The following DCX variants were observed in gnomAD, a reference collection of about 807,000 sequenced individuals.
DCX encodes doublecortin, also known as neuronal migration protein doublecortin.
DCX carries 4 observed loss-of-function variants against 20.9 expected under a neutral mutation model. The observed-to-expected ratio is 0.19, with a 90% CI of 0.09 to 0.44. The LOEUF (loss-of-function observed/expected upper bound fraction) is 0.44, where lower values mean the gene tolerates loss of function less well. DCX is among the 20% of genes least tolerant of loss of function. The pLI is 0.99. For synonymous variants in DCX, 103 were observed against 111.4 expected, an observed-to-expected ratio of 0.92 and a Z score of 0.47; for missense variants, 133 against 296.9, an observed-to-expected ratio of 0.45 and a Z score of 4.06.
At position 111,320,486 on chromosome X, in the gene DCX, G is replaced by A. The variant is rs564957265; in HGVS notation, c.947-7750C>T. 2.0e-4 allele frequency among the ~76,000 whole-genome samples: 22 copies of A among 111,519 alleles called. No homozygotes were observed. The South Asian group carries it at 8.3e-3, about 42-fold the overall frequency. ...CCTTCATTTTCCTTTATTCTTCTTT[G>A]CTAACCATCCTTAGCTCTTGTCTCT... On this transcript the variant is annotated intron_variant, in intron 5 of 6. Coordinates refer to ENST00000636035, the MANE Select transcript of DCX (RefSeq NM_001195553.2).
chrX:111,318,390 C>T (rs765721382), intron 5 of DCX, among the ~76,000 whole-genome samples: 2 of 93,027 alleles, frequency 2.1e-5, no homozygotes, highest in African/African-American at 1.0e-4. Context: ...ATAATAATAA[C>T]AATAATAATA....
At chrX:111,318,208 A>T (rs947814337) in intron 5 of DCX, among the ~76,000 whole-genome samples, 51 of 105,985 alleles carry the variant, frequency 4.8e-4, no homozygotes, top group Middle Eastern at 4.9e-3. Flanking sequence ...AAAAAAAGTA[A>T]AAAAATAATA....
At chrX:111,320,365 T>C (rs770266175) in intron 5 of DCX, among the ~76,000 whole-genome samples, 1 of 112,101 alleles carries the variant, frequency 8.9e-6, no homozygotes, top group African/African-American at 3.2e-5. Context: ...ATAATACAAA[T>C]AGGGTCTGAT....
At chrX:111,366,021 T>C (rs753586600) in intron 3 of DCX, among the ~76,000 whole-genome samples, 4 of 112,196 alleles carry the variant, frequency 3.6e-5, no homozygotes, top group African/African-American at 1.3e-4. Context: ...TGGACATTGT[T>C]AAATGTCCCC....
intron 5 of DCX, among the ~76,000 whole-genome samples, chrX:111,321,690 A>T (rs1192066394): frequency 1.8e-5 from 2 of 110,999 alleles, no homozygotes; most frequent in Non-Finnish European, 3.8e-5. Context: ...TGGATGCTAA[A>T]CTCCCAAACT....
At chrX:111,320,274 G>GA (rs1241248237) in intron 5 of DCX, among the ~76,000 whole-genome samples, 1 of 111,778 alleles carries the variant, frequency 8.9e-6, no homozygotes, top group African/African-American at 3.3e-5. Flanking sequence ...ATTCTGTGGG[G>GA]AAAAAAATCT....
chrX:111,375,434 T>C (rs1033150425), intron 3 of DCX, among the ~76,000 whole-genome samples: 34 of 111,192 alleles, frequency 3.1e-4, no homozygotes, highest in Admixed American at 2.6e-3. Context: ...AATAAAAAGT[T>C]CTTAAAAATA....
At chrX:111,408,598 TGAAAGAAA>T (rs1223289890) in intron 2 of DCX, among the ~76,000 whole-genome samples, 1 of 89,197 alleles carries the variant, frequency 1.1e-5, no homozygotes, top group Admixed American at 1.5e-4. Flanking sequence ...CGAAACTCTG[TGAAAGAAA>T]GAAAGGAAGA....
intron 5 of DCX, among the ~76,000 whole-genome samples, chrX:111,314,652 C>T (rs1465831380): frequency 9.0e-6 from 1 of 111,564 alleles, no homozygotes; most frequent in Non-Finnish European, 1.9e-5. Context: ...TGTGGTCAAA[C>T]TAAAACCCAC....
chrX:111,319,216 C>T (rs1293551716), intron 5 of DCX, among the ~76,000 whole-genome samples: 1 of 111,722 alleles, frequency 9.0e-6, no homozygotes, highest in Non-Finnish European at 1.9e-5. Flanking sequence ...CATTTTAAAG[C>T]TCCAGCTGCT....
intron 3 of DCX, among the ~76,000 whole-genome samples, chrX:111,338,696 CTT>C (rs200133621): frequency 4.2e-5 from 4 of 94,150 alleles, no homozygotes; most frequent in Non-Finnish European, 6.4e-5. Context: ...TCTGTAGTGC[CTT>C]TTTTTTTTTT....
chrX:111,308,921 TA>T (rs1234686228), intron 6 of DCX, among the ~76,000 whole-genome samples: 1 of 109,794 alleles, frequency 9.1e-6, no homozygotes, highest in East Asian at 2.8e-4. Flanking sequence ...GGATCCTTAA[TA>T]AATTTTTGTT....
chrX:111,405,727 T>A (rs952574174), intron 2 of DCX, among the ~76,000 whole-genome samples: 29 of 111,043 alleles, frequency 2.6e-4, no homozygotes, highest in African/African-American at 9.5e-4. Context: ...AACAAAGACA[T>A]GACAAAAGGA....
At chrX:111,411,194 GC>G (rs778973871) in intron 1 of DCX, 6 of 399,623 alleles carry the variant, frequency 1.5e-5, no homozygotes, top group Non-Finnish European at 2.6e-5. Flanking sequence ...CAAGTTACTA[GC>G]TCTGTCTTCC....
Position 111,296,607 on chromosome X carries a change from A to C in DCX, c.*5080T>G, listed in dbSNP as rs2095021410. 9.1e-6 allele frequency: 1 copy of C among 109,405 alleles called. No individual in the cohort carries two copies. The highest frequency in any genetic ancestry group is 1.9e-5 in the Non-Finnish European group (1 of 52,670). 9.0% of individuals were successfully genotyped at this position (109,405 alleles called of 1,213,427 possible). ...ATCTCTACTAAAAATAATAATAATAAAAAAATAGCCAGATTTGGTGGCGCA... is the reference window on the plus strand; with the variant it reads ...ATCTCTACTAAAAATAATAATAATACAAAAATAGCCAGATTTGGTGGCGCA... On this transcript the variant is annotated 3_prime_UTR_variant, in exon 7 of 7. Transcript: ENST00000636035.
chrX:111,410,561 G>A (rs1333810173), intron 1 of DCX, 141 bp from the exon 2 acceptor site: 2 of 923,235 alleles, frequency 2.2e-6, no homozygotes, highest in Non-Finnish European at 3.0e-6. Flanking sequence ...GTTGAAAAAA[G>A]CCTGTGACCC....
chrX:111,370,937 C>T (rs1925031923), intron 3 of DCX, among the ~76,000 whole-genome samples: 1 of 111,984 alleles, frequency 8.9e-6, no homozygotes. Flanking sequence ...GTCTGTATCA[C>T]TTAGATTCTA....
chrX:111,296,721 T>C lies in DCX; in HGVS notation c.*4966A>G, dbSNP rs2095021856. ...GGGTGAAGGTTGCAGCGAGCCAAGA[T>C]TGTGCCACTGCACTCCAGCCTAGGT... On this transcript the variant is annotated 3_prime_UTR_variant, in exon 7 of 7. Coordinates refer to ENST00000636035, the MANE Select transcript of DCX (RefSeq NM_001195553.2). 9.4e-6 allele frequency: 1 copy of C among 106,862 alleles called. No individual in the cohort carries two copies. Among genetic ancestry groups the C allele is most frequent in the Non-Finnish European group, 1.9e-5 (1 of 51,795 alleles). The allele number at this position is 106,862 out of a possible 1,213,427, so 8.8% of individuals were successfully genotyped here. A position where few individuals can be genotyped will look rare whatever the true frequency, so the allele number is the denominator to read the frequency against.
rs200777698 is a variant in DCX at position 111,368,901 on chromosome X, T to TACAC, written c.705+32085_705+32088dup. On this transcript the variant is annotated intron_variant, in intron 3 of 6. Coordinates refer to ENST00000636035, the MANE Select transcript of DCX (RefSeq NM_001195553.2). ...CTAATACGGGATATATATATATACA[T>TACAC]ACACACACACACACACACACACACA... 6.9e-3 allele frequency among the ~76,000 whole-genome samples: 675 copies of TACAC among 98,260 alleles called. 3 individuals carry two copies. The highest frequency in any genetic ancestry group is 9.6e-3 in the Admixed American group (86 of 8,930). 85.3% of individuals were successfully genotyped at this position (98,260 alleles called of 115,157 possible). A position where few individuals can be genotyped will look rare whatever the true frequency, so the allele number is the denominator to read the frequency against.
Sources: allele counts gnomAD v4.1 joint callset (sites outside exome capture counted in the v4.1 genomes callset), GRCh38; gene constraint gnomAD v4.1.1; transcripts MANE v1.5; gene names NCBI Gene and HGNC (gene_info 2026-07-23, HGNC 2026-07-21).